The following PCDH15 variants were observed in gnomAD, a reference collection of about 807,000 sequenced individuals.
The protein encoded by PCDH15 is protocadherin-15.
Under a neutral mutation model 178.5 loss-of-function variants are expected in PCDH15, and 129 were observed. The ratio of observed to expected loss-of-function variants is 0.72; its 90% CI spans 0.63 to 0.84. The LOEUF is 0.84. Among genes scored for constraint, PCDH15 ranks in the 40% least tolerant of loss-of-function variants. PCDH15 has a pLI of 0.00. For missense variants in PCDH15, 2,230 were observed against 2,099.9 expected (o/e 1.06, Z -1.21); for synonymous variants, 800 against 732.0 (o/e 1.09, Z -1.50).
intron 2 of PCDH15, among the ~76,000 whole-genome samples, chr10:55,472,828 A>G (rs1417895930): frequency 1.3e-5 from 2 of 152,178 alleles, no homozygotes; most frequent in African/African-American, 2.4e-5. Flanking sequence ...TCGGCCTCCC[A>G]AAGTGCTGGG....
At chr10:54,785,555 G>A (rs1950781285) in intron 1 of PCDH15, among the ~76,000 whole-genome samples, 1 of 151,922 alleles carries the variant, frequency 6.6e-6, no homozygotes, top group Non-Finnish European at 1.5e-5. Flanking sequence ...CTGAGGGAGT[G>A]CTGATTTTCT....
intron 3 of PCDH15, among the ~76,000 whole-genome samples, chr10:54,490,062 T>G (rs533648240): frequency 2.0e-5 from 3 of 152,182 alleles, no homozygotes; most frequent in African/African-American, 7.2e-5. Context: ...ACTTTATAAT[T>G]AATTGAAGAG....
chr10:54,589,547 C>A (rs79165671), intron 2 of PCDH15, among the ~76,000 whole-genome samples: 1,945 of 152,214 alleles, frequency 0.013, 44 homozygotes, highest in African/African-American at 0.045. Flanking sequence ...TATTGTTTAT[C>A]ATTTATGTCT....
At chr10:53,897,839 T>G (rs905378573) in intron 26 of PCDH15, among the ~76,000 whole-genome samples, 4 of 152,192 alleles carry the variant, frequency 2.6e-5, no homozygotes, top group Non-Finnish European at 5.9e-5. Context: ...CATTAATCCA[T>G]GATGTAACAT....
At chr10:55,152,881 C>T (rs1429184157) in intron 2 of PCDH15, among the ~76,000 whole-genome samples, 1 of 151,650 alleles carries the variant, frequency 6.6e-6, no homozygotes, top group Non-Finnish European at 1.5e-5. Context: ...TGGACACATA[C>T]ACACACACAA....
At chr10:54,311,636 T>C (rs776957490) in intron 8 of PCDH15, among the ~76,000 whole-genome samples, 72 of 152,086 alleles carry the variant, frequency 4.7e-4, no homozygotes, top group South Asian at 6.2e-4. Flanking sequence ...TATAGAAATT[T>C]ATCAAATTAA....
chr10:53,835,237 T>C (rs1002482701), intron 29 of PCDH15, among the ~76,000 whole-genome samples: 6 of 152,316 alleles, frequency 3.9e-5, no homozygotes, highest in African/African-American at 1.4e-4. Flanking sequence ...TTTTTAAACA[T>C]TGTGGTTTAA....
intron 2 of PCDH15, among the ~76,000 whole-genome samples, chr10:55,045,886 C>T (rs112581897): frequency 9.2e-5 from 14 of 151,890 alleles, no homozygotes; most frequent in South Asian, 4.2e-4. Context: ...CCTTTTTCCC[C>T]GACTTTTCAC....
At chr10:55,335,901 AC>A (rs1440155138) in intron 2 of PCDH15, among the ~76,000 whole-genome samples, 1 of 152,036 alleles carries the variant, frequency 6.6e-6, no homozygotes, top group Non-Finnish European at 1.5e-5. Context: ...TAGTCTTTAG[AC>A]CCTTGCAAAT....
intron 2 of PCDH15, among the ~76,000 whole-genome samples, chr10:54,573,946 T>C (rs2133634559): frequency 6.6e-6 from 1 of 152,272 alleles, no homozygotes; most frequent in Non-Finnish European, 1.5e-5. Flanking sequence ...GATGAGTAGG[T>C]TGTGAAAATT....
At chr10:54,128,099 T>C (rs944269614) in intron 15 of PCDH15, among the ~76,000 whole-genome samples, 2 of 152,126 alleles carry the variant, frequency 1.3e-5, no homozygotes, top group Admixed American at 6.6e-5. Flanking sequence ...ATTATCTGTA[T>C]TGAGGTTGTT....
chr10:55,102,931 G>A (rs938771645), intron 2 of PCDH15, among the ~76,000 whole-genome samples: 1 of 151,978 alleles, frequency 6.6e-6, no homozygotes, highest in Non-Finnish European at 1.5e-5. Context: ...TCATTATAAA[G>A]GTCTTCATCT....
rs61858415 is a variant in PCDH15, at chr10:54,110,527, G to A, written c.1918-20464C>T. ...ATTCCAAATCACTCAGCACACAGTG[G>A]TTAAATTAGGACAACTGTAGCAGCA... On this transcript the variant is annotated intron_variant, in intron 15 of 37. Transcript: ENST00000644397. Among the ~76,000 whole-genome samples the A allele has an allele frequency of 3.8e-3, 574 of 152,184 alleles. 1 individual carries two copies. Among genetic ancestry groups the A allele is most frequent in the Non-Finnish European group, 5.6e-3 (384 of 68,006 alleles).
intron 2 of PCDH15, among the ~76,000 whole-genome samples, chr10:55,049,965 A>G (rs1662457757): frequency 6.6e-6 from 1 of 152,002 alleles, no homozygotes; most frequent in Admixed American, 6.6e-5. Flanking sequence ...GGAAATTTCA[A>G]TGGCCTTTTG....
At chr10:54,538,714 G>C (rs1168249805) in intron 2 of PCDH15, among the ~76,000 whole-genome samples, 4 of 152,058 alleles carry the variant, frequency 2.6e-5, no homozygotes, top group African/African-American at 9.7e-5. Flanking sequence ...CACAAGATCT[G>C]GTTGTTTTGA....
At chr10:55,101,393 TAA>T (rs58895122) in intron 2 of PCDH15, among the ~76,000 whole-genome samples, 22 of 129,588 alleles carry the variant, frequency 1.7e-4, no homozygotes, top group Admixed American at 1.0e-3. Context: ...CATCTCAAAA[TAA>T]AAAAAAAAAA....
chr10:54,560,184 C>T (rs950861269), intron 2 of PCDH15, among the ~76,000 whole-genome samples: 12 of 151,924 alleles, frequency 7.9e-5, no homozygotes, highest in African/African-American at 2.7e-4. Flanking sequence ...TCCTAATGTC[C>T]GCCTATAGAA....
chr10:54,443,613 G>A (rs180788006), intron 3 of PCDH15, among the ~76,000 whole-genome samples: 90 of 151,734 alleles, frequency 5.9e-4, no homozygotes, highest in African/African-American at 2.1e-3. Context: ...CCATCTGTCG[G>A]ACTGACTACA....
intron 6 of PCDH15, among the ~76,000 whole-genome samples, chr10:54,330,975 A>C (rs1939408500): frequency 6.6e-6 from 1 of 151,640 alleles, no homozygotes; most frequent in South Asian, 2.1e-4. Context: ...GGAAGGAAAG[A>C]GAGGGAAAGA....
Sources: gnomAD v4.1 joint callset for allele counts (sites outside exome capture counted in the v4.1 genomes callset) on GRCh38, gnomAD v4.1.1 for gene constraint, MANE v1.5 for transcripts, NCBI Gene and HGNC (gene_info 2026-07-23, HGNC 2026-07-21) for gene names.